The following PTPRN2 variants were observed in gnomAD, a reference collection of about 807,000 sequenced individuals.
The protein encoded by PTPRN2 is protein tyrosine phosphatase receptor type N2.
A neutral mutation model predicts 118.8 loss-of-function variants in PTPRN2; 74 were observed. The ratio of observed to expected loss-of-function variants is 0.62; its 90% CI spans 0.52 to 0.76. PTPRN2 has a LOEUF of 0.76. PTPRN2 is among the 30% of genes least tolerant of loss of function. PTPRN2 has a pLI of 0.00. For synonymous variants in PTPRN2, 641 were observed against 608.0 expected (o/e 1.05, Z -0.80); for missense variants, 1,481 against 1,394.4 (o/e 1.06, Z -0.99).
chr7:157,817,989 ATG>A (rs1321430100), intron 12 of PTPRN2, among the ~76,000 whole-genome samples: 2 of 150,788 alleles, frequency 1.3e-5, no homozygotes, highest in Admixed American at 6.6e-5. Flanking sequence ...TGTGTGATAT[ATG>A]TGTTGTGCGT....
intron 11 of PTPRN2, among the ~76,000 whole-genome samples, chr7:158,034,256 A>G (rs1236120882): frequency 4.7e-4 from 59 of 126,270 alleles, no homozygotes; most frequent in African/African-American, 1.7e-3. Context: ...AGGCCCGGGC[A>G]AGCATCCCTG....
chr7:158,181,992 G>A (rs2150663056), intron 5 of PTPRN2, among the ~76,000 whole-genome samples: 1 of 152,156 alleles, frequency 6.6e-6, no homozygotes, highest in Non-Finnish European at 1.5e-5. Context: ...GTTACTTGAT[G>A]TGTGACATTA....
intron 12 of PTPRN2, among the ~76,000 whole-genome samples, chr7:157,811,225 C>A (rs1299433139): frequency 4.7e-5 from 7 of 149,650 alleles, no homozygotes; most frequent in African/African-American, 1.7e-4. Flanking sequence ...GAGCGGAGAT[C>A]GCACCACTAT....
intron 16 of PTPRN2, 63 bp from the exon 17 acceptor site, chr7:157,595,378 A>G: frequency 6.7e-7 from 1 of 1,487,816 alleles, no homozygotes; most frequent in East Asian, 2.3e-5. Flanking sequence ...GAGGTTAGGA[A>G]GCCTGGAGGT....
chr7:158,279,178 G>T (rs12667398), intron 3 of PTPRN2, among the ~76,000 whole-genome samples: 24,898 of 152,142 alleles, frequency 0.16, 2,218 homozygotes, highest in East Asian at 0.26. Context: ...CTGCTGATTG[G>T]TCCATTTTAC....
At chr7:158,035,551 C>T (rs1021853410) in intron 11 of PTPRN2, among the ~76,000 whole-genome samples, 19 of 152,138 alleles carry the variant, frequency 1.2e-4, no homozygotes, top group South Asian at 2.1e-4. Flanking sequence ...GTGCTGGCAG[C>T]GCACCCCCAA....
At chr7:158,532,365 G>A (rs534978913) in intron 1 of PTPRN2, among the ~76,000 whole-genome samples, 25 of 152,300 alleles carry the variant, frequency 1.6e-4, no homozygotes, top group African/African-American at 3.8e-4. Flanking sequence ...AGCCCCCAGC[G>A]TGGCTCCTGT....
chr7:157,968,797 G>C (rs114892168), intron 11 of PTPRN2, among the ~76,000 whole-genome samples: 1,748 of 152,182 alleles, frequency 0.011, 30 homozygotes, highest in African/African-American at 0.04. Flanking sequence ...TGAAGAAGAT[G>C]CTGAAAAAAA....
intron 11 of PTPRN2, among the ~76,000 whole-genome samples, chr7:157,936,907 C>T (rs902523753): frequency 1.3e-5 from 2 of 152,242 alleles, no homozygotes; most frequent in Non-Finnish European, 2.9e-5. Flanking sequence ...CCGCCATGGC[C>T]AGTCATGGGA....
At chr7:157,926,831 C>A (rs573746065) in intron 11 of PTPRN2, among the ~76,000 whole-genome samples, 1 of 152,202 alleles carries the variant, frequency 6.6e-6, no homozygotes, top group South Asian at 2.1e-4. Context: ...GGGTAAGAGT[C>A]GCCTCCCCCT....
rs1407226906 is a variant in PTPRN2, at chr7:157,671,627, C to T, written c.2001+11098G>A. Among the ~76,000 whole-genome samples, 1 of 152,170 alleles carries T rather than the reference C, an allele frequency of 6.6e-6. No homozygotes were observed. The highest frequency in any genetic ancestry group is 1.9e-4 in the East Asian group (1 of 5,178). ...TTCACATCCTTCCATTCGGTGGCCA[C>T]CACAGCTTAATTAAGCCAAAGGAAG... On this transcript the variant is annotated intron_variant, in intron 13 of 22. Coordinates refer to ENST00000389418, the MANE Select transcript of PTPRN2 (RefSeq NM_002847.5). This position sits in a 1 kb window ranked among gnomAD's most constrained non-coding sequence, Gnocchi z 4.1.
intron 14 of PTPRN2, among the ~76,000 whole-genome samples, chr7:157,641,585 C>A (rs1395282689): frequency 3.3e-5 from 5 of 152,140 alleles, no homozygotes; most frequent in Non-Finnish European, 7.4e-5. Flanking sequence ...GGATGTAATG[C>A]TGGCCCAGAT....
At chr7:158,146,631 G>A (rs1820057808) in intron 6 of PTPRN2, among the ~76,000 whole-genome samples, 1 of 148,578 alleles carries the variant, frequency 6.7e-6, no homozygotes, top group Admixed American at 6.7e-5. Flanking sequence ...TGAGGCAGAA[G>A]AATGGTGTGA....
rs563293564 is a variant in PTPRN2 at position 157,999,229 on chromosome 7, C to G, written c.1723+82069G>C. On this transcript the variant is annotated intron_variant, in intron 11 of 22. Transcript: ENST00000389418. ...AGATTTAGTTGCCTGAACACAAACCCTCCTTCTCCCTCGCTCAAGCCATCA... is the reference window on the plus strand; with the variant it reads ...AGATTTAGTTGCCTGAACACAAACCGTCCTTCTCCCTCGCTCAAGCCATCA... 5.3e-5 allele frequency among the ~76,000 whole-genome samples: 8 copies of G among 152,296 alleles called. 1 individual carries two copies. The South Asian group carries it at 1.7e-3, about 32-fold the overall frequency.
intron 4 of PTPRN2, 21 bp downstream of exon 4, chr7:158,205,150 A>T (rs182363432): frequency 6.3e-7 from 1 of 1,586,984 alleles, no homozygotes; most frequent in Admixed American, 1.7e-5. Flanking sequence ...GCAAGGAGCA[A>T]CAAGCCACGT....
intron 3 of PTPRN2, among the ~76,000 whole-genome samples, chr7:158,281,880 C>T (rs762540898): frequency 3.3e-5 from 5 of 152,204 alleles, no homozygotes; most frequent in Admixed American, 6.5e-5. Flanking sequence ...CTCTGAGCCC[C>T]GCATAACTCA....
chr7:157,982,806 G>A (rs1192163268), intron 11 of PTPRN2, among the ~76,000 whole-genome samples: 3 of 123,170 alleles, frequency 2.4e-5, no homozygotes, highest in Non-Finnish European at 3.4e-5. Flanking sequence ...GGAGGGGAAT[G>A]CAGAGTGCAG....
At position 158,587,166 on chromosome 7, in the gene PTPRN2, C is replaced by A. The variant is rs528099058; in HGVS notation, c.112+392G>T. Among the ~76,000 whole-genome samples the A allele has an allele frequency of 5.4e-3, 769 of 142,262 alleles. 8 individuals carry two copies. The highest frequency in any genetic ancestry group is 0.019 in the African/African-American group (716 of 38,168). The allele number at this position is 142,262 out of a possible 152,430, so 93.3% of individuals were successfully genotyped here. A position where few individuals can be genotyped will look rare whatever the true frequency, so the allele number is the denominator to read the frequency against. ...CCTCCCCACCCGCCCCGTCACTCACCGAGACGCCCCTCCCCTAAACCCCCC... is the reference window on the plus strand; with the variant it reads ...CCTCCCCACCCGCCCCGTCACTCACAGAGACGCCCCTCCCCTAAACCCCCC... On this transcript the variant is annotated intron_variant, in intron 1 of 22. Transcript: ENST00000389418.
intron 10 of PTPRN2, among the ~76,000 whole-genome samples, chr7:158,099,014 TCCCGGCTGCCTCCCCTTCCTCCCCC>T (rs1438687734): frequency 2.6e-4 from 7 of 26,556 alleles, no homozygotes; most frequent in African/African-American, 5.2e-4. Flanking sequence ...CCCCAACACA[TCCCGGCTGCCTCCCCTTCCTCCCCC>T]CAACACATCC....
Sources: allele counts gnomAD v4.1 joint callset (sites outside exome capture counted in the v4.1 genomes callset), GRCh38; gene constraint gnomAD v4.1.1; non-coding constraint Gnocchi (gnomAD v3.1); transcripts MANE v1.5; gene names NCBI Gene and HGNC (gene_info 2026-07-23, HGNC 2026-07-21).